The following LLGL2 variants were observed in gnomAD, a reference collection of about 807,000 sequenced individuals.
LLGL2 encodes LLGL2, scribble cell polarity complex component.
LLGL2 carries 81 observed loss-of-function variants against 123.2 expected under a neutral mutation model. The ratio of observed to expected loss-of-function variants is 0.66; its 90% CI spans 0.55 to 0.79. The LOEUF (loss-of-function observed/expected upper bound fraction) is 0.79. Ranked by LOEUF, LLGL2 falls within the 30% of genes least tolerant of loss-of-function variation. The pLI, the probability that LLGL2 is intolerant of heterozygous loss-of-function variation, is 0.00. For synonymous variants in LLGL2, 577 were observed against 594.1 expected (o/e 0.97, Z 0.42); for missense variants, 1,273 against 1,414.6 (o/e 0.90, Z 1.61).
In LLGL2 at chr17:75,563,328, T is replaced by C. The variant is rs1031091955; in HGVS notation, c.694-3T>C. 1 of 1,612,382 alleles carries C rather than the reference T, an allele frequency of 6.2e-7. No homozygotes were observed. The highest frequency in any genetic ancestry group is 8.5e-7 in the Non-Finnish European group (1 of 1,179,636). On this transcript the variant is annotated splice_polypyrimidine_tract_variant and splice_region_variant and intron_variant, in intron 7 of 25. Coordinates refer to ENST00000392550, the MANE Select transcript of LLGL2 (RefSeq NM_001031803.2). ...CCTCTGTCCCTCTCCTCTTCCTCCATAGCAACTGGAGAACATCTGGTGGCA... is the reference window on the plus strand; with the variant it reads ...CCTCTGTCCCTCTCCTCTTCCTCCACAGCAACTGGAGAACATCTGGTGGCA...
chr17:75,569,397 C>T, intron 14 of LLGL2, 72 bp downstream of exon 14: 1 of 1,228,344 alleles, frequency 8.1e-7, no homozygotes, highest in South Asian at 1.2e-5. Flanking sequence ...GGACAGGAGC[C>T]AACCACCTGC....
intron 1 of LLGL2, among the ~76,000 whole-genome samples, chr17:75,537,759 C>T (rs893294062): frequency 1.3e-5 from 2 of 149,214 alleles, no homozygotes; most frequent in South Asian, 4.2e-4. Flanking sequence ...TCCTAGGACT[C>T]GGAGAATGGT....
intron 2 of LLGL2, among the ~76,000 whole-genome samples, chr17:75,552,178 T>C (rs1331510152): frequency 2.0e-5 from 3 of 151,890 alleles, no homozygotes; most frequent in Admixed American, 2.0e-4. Context: ...ACAAGTGAAA[T>C]TAATTTTAAT....
Position 75,564,090 on chromosome 17 carries a change from A to G in LLGL2, c.882-263A>G, listed in dbSNP as rs2055343303. Among the ~76,000 whole-genome samples, 1 of 152,240 alleles carries G rather than the reference A, an allele frequency of 6.6e-6. No homozygotes were observed. On this transcript the variant is annotated intron_variant, in intron 9 of 25. Coordinates refer to ENST00000392550, the MANE Select transcript of LLGL2 (RefSeq NM_001031803.2). This position sits in a 1 kb window ranked among gnomAD's most constrained non-coding sequence, Gnocchi z 4.9. ...GTTGGCAGCCCTGTTTCTTCAGACA[A>G]AATCACTCTGGGTGATGTTCAAACA...
At chr17:75,540,602 C>T (rs549333555) in intron 1 of LLGL2, among the ~76,000 whole-genome samples, 17 of 152,344 alleles carry the variant, frequency 1.1e-4, no homozygotes, top group African/African-American at 3.6e-4. Flanking sequence ...CGTGTCTGTG[C>T]GTGTCCCTGC....
In LLGL2 at chr17:75,544,182, C is replaced by T. The variant is rs942017065; in HGVS notation, c.75+681C>T. 3.3e-5 allele frequency among the ~76,000 whole-genome samples: 5 copies of T among 152,240 alleles called. No individual in the cohort carries two copies. The highest frequency in any genetic ancestry group is 9.6e-5 in the African/African-American group (4 of 41,462). On this transcript the variant is annotated intron_variant, in intron 2 of 25. Coordinates refer to ENST00000392550, the MANE Select transcript of LLGL2 (RefSeq NM_001031803.2). The surrounding 1 kb of genome is among the most constrained non-coding windows in gnomAD (Gnocchi z 4.2). ...GCAGGAGGCGTGCAGTGTGGCTCTT[C>T]AGCTCCCGGGCCACCAAGCAGTGTG... is the stretch of plus-strand genomic sequence containing the variant.
chr17:75,568,951 C>T (rs774571964), intron 12 of LLGL2, 27 bp from the exon 13 acceptor site: 53 of 1,600,464 alleles, frequency 3.3e-5, no homozygotes, highest in Non-Finnish European at 3.8e-5. Context: ...ATCCCTCTCA[C>T]GCCTGGCAGG....
intron 19 of LLGL2, among the ~76,000 whole-genome samples, chr17:75,572,281 A>C (rs1359388404): frequency 6.6e-6 from 1 of 152,022 alleles, no homozygotes; most frequent in Non-Finnish European, 1.5e-5. Flanking sequence ...TAATGCCAGC[A>C]CTTTGGGAGG....
chr17:75,533,042 C>T (rs899758280), intron 1 of LLGL2, among the ~76,000 whole-genome samples: 6 of 152,092 alleles, frequency 3.9e-5, no homozygotes, highest in African/African-American at 1.4e-4. Context: ...CTCTGTCGCC[C>T]AGGCTGGAGT....
rs181042118 is a variant in LLGL2 at position 75,544,012 on chromosome 17, G to A, written c.75+511G>A. 6.6e-6 allele frequency among the ~76,000 whole-genome samples: 1 copy of A among 152,260 alleles called. No homozygotes were observed. The highest frequency in any genetic ancestry group is 1.5e-5 in the Non-Finnish European group (1 of 68,014). On this transcript the variant is annotated intron_variant, in intron 2 of 25. Coordinates refer to ENST00000392550, the MANE Select transcript of LLGL2 (RefSeq NM_001031803.2). The surrounding 1 kb of genome is among the most constrained non-coding windows in gnomAD (Gnocchi z 4.2). ...CGTGATTCCTTCTGGCTCCGGCCGG[G>A]GTGAGTGGGGAGAGGTGCCCAGGAG...
At chr17:75,532,733 A>C (rs2053848073) in intron 1 of LLGL2, among the ~76,000 whole-genome samples, 1 of 151,964 alleles carries the variant, frequency 6.6e-6, no homozygotes, top group African/African-American at 2.4e-5. Context: ...CCCTCTAGTA[A>C]ATAATATTAA....
chr17:75,555,584 C>T (rs1427155639), intron 2 of LLGL2, among the ~76,000 whole-genome samples: 1 of 152,164 alleles, frequency 6.6e-6, no homozygotes. Context: ...CAGAGCAGGG[C>T]AGGGCCTCCG....
At chr17:75,556,291 A>C in intron 3 of LLGL2, 148 bp downstream of exon 3, 1 of 680,138 alleles carries the variant, frequency 1.5e-6, no homozygotes, top group Non-Finnish European at 2.5e-6. Context: ...ATTTTATTCC[A>C]AAATGGGGCA....
At chr17:75,542,547 T>C (rs1316171249) in intron 1 of LLGL2, 1 of 152,098 alleles carries the variant, frequency 6.6e-6, no homozygotes, top group Non-Finnish European at 1.5e-5. Context: ...AATCCAGAAA[T>C]GGTTTCCCCT....
chr17:75,543,516 GC>G lies in LLGL2; in HGVS notation c.75+16del. The G allele has an allele frequency of 6.2e-7, 1 of 1,604,530 alleles. No individual in the cohort carries two copies. The highest frequency in any genetic ancestry group is 8.5e-7 in the Non-Finnish European group (1 of 1,174,344). On this transcript the variant is annotated intron_variant, in intron 2 of 25. Coordinates refer to ENST00000392550, the MANE Select transcript of LLGL2 (RefSeq NM_001031803.2). ...AGTTTAACAAGGTAAGTTAGGGAGA[GC>G]AGGGAAGATGACCCCCAGGTTTTCG... is the stretch of plus-strand genomic sequence containing the variant.
chr17:75,557,117 A>C (rs2054950748), intron 3 of LLGL2, among the ~76,000 whole-genome samples: 1 of 144,584 alleles, frequency 6.9e-6, no homozygotes, highest in African/African-American at 2.6e-5. Flanking sequence ...GGGCTCAAGC[A>C]ACTCTCTCGC....
In LLGL2 at chr17:75,530,605, G is replaced by A. The variant is rs565458097; in HGVS notation, c.-31+4780G>A. 1.9e-3 allele frequency among the ~76,000 whole-genome samples: 283 copies of A among 148,952 alleles called. 1 individual carries two copies. Among genetic ancestry groups the A allele is most frequent in the African/African-American group, 6.8e-3 (273 of 40,192 alleles). ...GCAGAGCTGGCAGTGAGCCGAGATCGCGCCACTGCACTCCAGCCTGGGCGA... is the reference window on the plus strand; with the variant it reads ...GCAGAGCTGGCAGTGAGCCGAGATCACGCCACTGCACTCCAGCCTGGGCGA... On this transcript the variant is annotated intron_variant, in intron 1 of 25. Coordinates refer to ENST00000392550, the MANE Select transcript of LLGL2 (RefSeq NM_001031803.2).
At chr17:75,528,545 C>T (rs1405466159) in intron 1 of LLGL2, among the ~76,000 whole-genome samples, 1 of 152,126 alleles carries the variant, frequency 6.6e-6, no homozygotes, top group Non-Finnish European at 1.5e-5. Context: ...TTGAGAGCAG[C>T]CTCACCAACA....
chr17:75,537,452 G>T (rs538723876), intron 1 of LLGL2, among the ~76,000 whole-genome samples: 1 of 151,158 alleles, frequency 6.6e-6, no homozygotes, highest in South Asian at 2.1e-4. Context: ...CTAGCACTTT[G>T]TGGGGCCGAG....
Sources: gnomAD v4.1 joint callset for allele counts (sites outside exome capture counted in the v4.1 genomes callset) on GRCh38, gnomAD v4.1.1 for gene constraint, Gnocchi (gnomAD v3.1) non-coding constraint, MANE v1.5 for transcripts, NCBI Gene and HGNC (gene_info 2026-07-23, HGNC 2026-07-21) for gene names.